CDC7: variants seen among roughly 807,000 people sequenced by gnomAD.
CDC7 encodes the protein cell division cycle 7-related protein kinase.
A neutral mutation model predicts 53.5 loss-of-function variants in CDC7; 34 were observed. The observed-to-expected ratio is 0.64, with a 90% CI of 0.48 to 0.85. The LOEUF (loss-of-function observed/expected upper bound fraction) is 0.85, where lower values mean the gene tolerates loss of function less well. Ranked by LOEUF, CDC7 falls within the 40% of genes least tolerant of loss-of-function variation. The pLI, the probability that CDC7 is intolerant of heterozygous loss-of-function variation, is 0.00. For synonymous variants in CDC7, 211 were observed against 222.8 expected, an observed-to-expected ratio of 0.95 and a Z score of 0.47; for missense variants, 594 against 679.7, an observed-to-expected ratio of 0.87 and a Z score of 1.40.
intron 3 of CDC7, 113 bp downstream of exon 3, chr1:91,508,050 A>G: frequency 2.3e-6 from 2 of 885,076 alleles, no homozygotes; most frequent in Non-Finnish European, 1.7e-6. Flanking sequence ...ACCACTTTTT[A>G]GACTATTAAG....
At chr1:91,510,997 ACTTCTCACTTGT>A (rs1487678384) in intron 4 of CDC7, among the ~76,000 whole-genome samples, 2 of 152,060 alleles carry the variant, frequency 1.3e-5, no homozygotes, top group African/African-American at 4.8e-5. Context: ...ACTCTCACTG[ACTTCTCACTTGT>A]CTTCTCACTT....
chr1:91,507,730 T>C, intron 2 of CDC7, 124 bp from the exon 3 acceptor site: 1 of 668,974 alleles, frequency 1.5e-6, no homozygotes. Flanking sequence ...CACAATGTTA[T>C]TAAAACTTAT....
Position 91,508,488 on chromosome 1 carries a change from G to T in CDC7, c.335+91G>T. Reference sequence around the variant, plus strand: ...TAGCAGGGATGAGGGGATTATATGTGAATTAAATACATTTTTCAGTCAAGT... The same window carrying T: ...TAGCAGGGATGAGGGGATTATATGTTAATTAAATACATTTTTCAGTCAAGT... On this transcript the variant is annotated intron_variant, in intron 4 of 11. Coordinates refer to ENST00000234626, the MANE Select transcript of CDC7 (RefSeq NM_003503.4). 3.0e-5 allele frequency: 29 copies of T among 958,902 alleles called. 1 individual carries two copies. In the South Asian group the frequency reaches 5.2e-4, roughly 17 times the overall value. 59.4% of individuals were successfully genotyped at this position (958,902 alleles called of 1,614,324 possible). A position where few individuals can be genotyped will look rare whatever the true frequency, so the allele number is the denominator to read the frequency against.
rs756037595 is a variant in CDC7, at chr1:91,524,074, C to T, written c.1364C>T (p.Ala455Val). 6.2e-7 allele frequency: 1 copy of T among 1,608,968 alleles called. No homozygotes were observed. Among genetic ancestry groups the T allele is most frequent in the Non-Finnish European group, 8.5e-7 (1 of 1,177,248 alleles). The change falls in exon 12 of 12, where the codon GCA becomes GTA. Residue 455 changes from alanine to valine, a missense_variant. By Grantham distance (64) the Ala-to-Val change is moderately conservative. Transcript: ENST00000234626. ...ATATTATGTAGCAAAGAAGTTCCAGCACAAGACTTGAGAAAACTCTGTGAG... is the reference window on the plus strand; with the variant it reads ...ATATTATGTAGCAAAGAAGTTCCAGTACAAGACTTGAGAAAACTCTGTGAG... The part of the protein sequence containing the change: ...KSILCSKEVP[A>V]QDLRKLCERL...
chr1:91,520,628 T>G (rs1667888703), intron 11 of CDC7, among the ~76,000 whole-genome samples: 1 of 152,254 alleles, frequency 6.6e-6, no homozygotes, highest in Admixed American at 6.5e-5. Flanking sequence ...CTTTGTAATA[T>G]GTTTTACTTT....
chr1:91,520,081 T>C (rs1667846824), intron 10 of CDC7, 49 bp from the exon 11 acceptor site: 2 of 1,444,950 alleles, frequency 1.4e-6, no homozygotes, highest in East Asian at 4.9e-5. Flanking sequence ...ATTTAGATGA[T>C]AAAATTATAG....
intron 2 of CDC7, among the ~76,000 whole-genome samples, chr1:91,505,580 A>G (rs987965492): frequency 3.3e-5 from 5 of 152,214 alleles, no homozygotes; most frequent in Non-Finnish European, 5.9e-5. Context: ...AAATAGAGGC[A>G]TTTAAATAAT....
chr1:91,514,929 T>C lies in CDC7; in HGVS notation c.1029T>C (p.Ser343=). 2 of 1,613,938 alleles carry C rather than the reference T, an allele frequency of 1.2e-6. No individual in the cohort carries two copies. Among genetic ancestry groups the C allele is most frequent in the African/African-American group, 1.3e-5 (1 of 75,044 alleles). Residue 343 remains serine, a synonymous_variant, in exon 9 of 12, where the codon AGT becomes AGC. Coordinates refer to ENST00000234626, the MANE Select transcript of CDC7 (RefSeq NM_003503.4). The stretch of plus-strand genomic sequence containing the variant: ...GTGCTGTGATGAGGAAAACTGCCAG[T>C]TCTTGCCCAGCTAGCCTGACCTGTG... ...MNSAVMRKTA[S]SCPASLTCDC...
Position 91,514,998 on chromosome 1 carries a change from G to A in CDC7, c.1097+1G>A. ...AAGTTTGTAGTATTTGCCTTTCAAG[G>A]TAATGTGTTTTGATGGTGTTATAAA... On this transcript the variant is annotated splice_donor_variant, in intron 9 of 11. Transcript: ENST00000234626. LOFTEE classifies it high-confidence loss of function. 2 of 1,607,080 alleles carry A rather than the reference G, an allele frequency of 1.2e-6. No individual in the cohort carries two copies. The highest frequency in any genetic ancestry group is 2.7e-5 in the African/African-American group (2 of 74,578).
Position 91,514,807 on chromosome 1 carries a change from T to C in CDC7, c.919-12T>C, listed in dbSNP as rs1667471013. 6.5e-7 allele frequency: 1 copy of C among 1,548,440 alleles called. No individual in the cohort carries two copies. Among genetic ancestry groups the C allele is most frequent in the Non-Finnish European group, 8.7e-7 (1 of 1,148,430 alleles). On this transcript the variant is annotated splice_polypyrimidine_tract_variant and intron_variant, in intron 8 of 11. Transcript: ENST00000234626. Reference sequence around the variant, plus strand: ...ATCATGAAAATAGAAAAATGAGACTTTTCTTTTACAGCTCATGAAGCAGTC... The same window carrying C: ...ATCATGAAAATAGAAAAATGAGACTCTTCTTTTACAGCTCATGAAGCAGTC...
At chr1:91,521,528 T>C (rs1318512073) in intron 11 of CDC7, among the ~76,000 whole-genome samples, 1 of 152,120 alleles carries the variant, frequency 6.6e-6, no homozygotes, top group African/African-American at 2.4e-5. Flanking sequence ...TTGAAGATAA[T>C]AGGATGAAAT....
chr1:91,508,046 T>TTA, intron 3 of CDC7, 109 bp downstream of exon 3: 1 of 952,492 alleles, frequency 1.0e-6, no homozygotes, highest in East Asian at 2.6e-5. Flanking sequence ...ATATACCACT[T>TTA]TTTAGACTAT....
chr1:91,513,838 G>T, intron 7 of CDC7, 110 bp from the exon 8 acceptor site: 1 of 689,262 alleles, frequency 1.5e-6, no homozygotes, highest in Non-Finnish European at 2.5e-6. Flanking sequence ...CTTGGATGCA[G>T]CTGTTTTTGT....
At chr1:91,502,432 A>G (rs1571309268) in intron 2 of CDC7, among the ~76,000 whole-genome samples, 1 of 152,192 alleles carries the variant, frequency 6.6e-6, no homozygotes, top group South Asian at 2.1e-4. Flanking sequence ...AAATAGAGGA[A>G]TTCTAGTTGA....
Position 91,514,955 on chromosome 1 carries a change from A to G in CDC7, c.1055A>G (p.Asp352Gly). 6.2e-7 allele frequency: 1 copy of G among 1,613,906 alleles called. No individual in the cohort carries two copies. The highest frequency in any genetic ancestry group is 8.5e-7 in the Non-Finnish European group (1 of 1,179,862). ...ASSCPASLTC[D>G]CYATDKVCSI... ...TCTTGCCCAGCTAGCCTGACCTGTG[A>G]CTGCTATGCAACAGATAAAGTTTGT... Residue 352 changes from aspartate (D) to glycine (G), a missense_variant, in exon 9 of 12, where the codon GAC becomes GGC. Physicochemically the swap from Asp to Gly is moderately conservative, Grantham distance 94. Coordinates refer to ENST00000234626, the MANE Select transcript of CDC7 (RefSeq NM_003503.4).
chr1:91,519,306 G>A (rs1571336654), intron 10 of CDC7, among the ~76,000 whole-genome samples: 1 of 145,380 alleles, frequency 6.9e-6, no homozygotes, highest in African/African-American at 2.5e-5. Context: ...TGACATGCCT[G>A]TAATCCCAGC....
intron 2 of CDC7, among the ~76,000 whole-genome samples, chr1:91,506,151 C>T (rs1038316323): frequency 8.5e-5 from 13 of 152,142 alleles, no homozygotes; most frequent in East Asian, 1.9e-4. Flanking sequence ...ACTACAGGCC[C>T]GTGTTACAAA....
chr1:91,511,819 A>C lies in CDC7; in HGVS notation c.468A>C (p.Glu156Asp). Reference sequence around the variant, plus strand: ...CTCTTTCCTTTCAAGAAGTACGGGAATATATGCTTAATCTGTTCAAAGCTT... The same window carrying C: ...CTCTTTCCTTTCAAGAAGTACGGGACTATATGCTTAATCTGTTCAAAGCTT... Reference protein sequence around the residue: ...LNSLSFQEVREYMLNLFKALK... With the variant: ...LNSLSFQEVRDYMLNLFKALK... The change falls in exon 6 of 12, where the codon GAA (glutamate) becomes GAC (aspartate). Residue 156 changes from glutamate (E) to aspartate (D), a missense_variant. By Grantham distance (45) the Glu-to-Asp change is conservative. Transcript: ENST00000234626. 3 of 1,607,438 alleles carry C rather than the reference A, an allele frequency of 1.9e-6. No homozygotes were observed. Among genetic ancestry groups the C allele is most frequent in the Non-Finnish European group, 2.6e-6 (3 of 1,174,960 alleles).
intron 10 of CDC7, among the ~76,000 whole-genome samples, chr1:91,517,495 A>G (rs1018203491): frequency 5.3e-5 from 8 of 152,180 alleles, no homozygotes; most frequent in Non-Finnish European, 2.9e-5. Flanking sequence ...TGGAGAGTAA[A>G]GGAGAAGTAA....
Sources: gnomAD v4.1 joint callset for allele counts (sites outside exome capture counted in the v4.1 genomes callset) on GRCh38, gnomAD v4.1.1 for gene constraint, MANE v1.5 for transcripts, NCBI Gene and HGNC (gene_info 2026-07-23, HGNC 2026-07-21) for gene names.